SHLD1: variants seen among roughly 807,000 people sequenced by gnomAD.
SHLD1 encodes the protein RINN1-REV7-interacting novel NHEJ regulator 3.
In SHLD1, 3 loss-of-function variants were observed where a neutral mutation model predicts 5.5. The observed-to-expected ratio is 0.54, with a 90% CI of 0.25 to 1.40. The LOEUF (loss-of-function observed/expected upper bound fraction) is 1.40. Ranked by LOEUF, SHLD1 falls within the 40% of genes most tolerant of loss-of-function variation. The pLI is 0.15. For missense variants in SHLD1, 210 were observed against 244.4 expected (o/e 0.86, Z 0.94); for synonymous variants, 92 against 94.3 (o/e 0.98, Z 0.14).
rs73596841 is a variant in SHLD1 at position 5,826,185 on chromosome 20, G to A, written c.179-36839G>A. ...TGTTGGTCTGATCAAGCTGTTTATT[G>A]TTTGCAGATGGTAACAAAATATAAT... On this transcript the variant is annotated intron_variant, in intron 2 of 2. Coordinates refer to ENST00000303142, the MANE Select transcript of SHLD1 (RefSeq NM_152504.4). 6.7e-3 allele frequency among the ~76,000 whole-genome samples: 1,023 copies of A among 152,300 alleles called. 7 individuals are homozygous for A. The highest frequency in any genetic ancestry group is 0.024 in the African/African-American group (991 of 41,552).
chr20:5,788,855 G>C (rs1477991402), intron 2 of SHLD1, among the ~76,000 whole-genome samples: 1 of 151,962 alleles, frequency 6.6e-6, no homozygotes, highest in Non-Finnish European at 1.5e-5. Flanking sequence ...TTTTTTGCTG[G>C]GCTCAGTGGC....
rs1983662940 is a variant in SHLD1, at chr20:5,750,469, T to G, written c.-15T>G. On this transcript the variant is annotated 5_prime_UTR_variant, in exon 1 of 3. Transcript: ENST00000303142. ...TTTCTCCTCAGTTTTCTGGAGTGCT[T>G]TGGAGGAGAGGTAAGCGCGGGATGG... The G allele has an allele frequency of 3.3e-5, 3 of 92,274 alleles. 1 individual carries two copies. The allele number at this position is 92,274 out of a possible 1,614,324, so 5.7% of individuals were successfully genotyped here. A position where few individuals can be genotyped will look rare whatever the true frequency, so the allele number is the denominator to read the frequency against.
At chr20:5,751,487 A>G (rs200063283) in intron 1 of SHLD1, among the ~76,000 whole-genome samples, 33 of 152,136 alleles carry the variant, frequency 2.2e-4, no homozygotes, top group Middle Eastern at 3.4e-3. Context: ...TTGTATTTTT[A>G]GTAGAGACGA....
chr20:5,809,048 G>A (rs547860075), intron 2 of SHLD1, among the ~76,000 whole-genome samples: 1 of 152,240 alleles, frequency 6.6e-6, no homozygotes, highest in Non-Finnish European at 1.5e-5. Context: ...CATACCTCAT[G>A]AGAATGTACT....
chr20:5,771,465 G>A (rs1192986508), intron 1 of SHLD1, among the ~76,000 whole-genome samples: 1 of 152,174 alleles, frequency 6.6e-6, no homozygotes, highest in Admixed American at 6.5e-5. Flanking sequence ...ACTTGTTTCA[G>A]GGGATCCTTG....
chr20:5,789,846 A>G (rs1269106860), intron 2 of SHLD1, among the ~76,000 whole-genome samples: 1 of 152,128 alleles, frequency 6.6e-6, no homozygotes, highest in East Asian at 1.9e-4. Context: ...GACCCAGTGC[A>G]TCCTAACCTG....
intron 2 of SHLD1, among the ~76,000 whole-genome samples, chr20:5,831,821 A>G (rs2087731770): frequency 6.6e-6 from 1 of 152,212 alleles, no homozygotes; most frequent in East Asian, 1.9e-4. Flanking sequence ...AAAGAAGAAA[A>G]AGGTAAACAC....
chr20:5,756,317 T>G (rs1156531833), intron 1 of SHLD1, among the ~76,000 whole-genome samples: 1 of 152,180 alleles, frequency 6.6e-6, no homozygotes, highest in Admixed American at 6.6e-5. Flanking sequence ...AGCATTATAT[T>G]GATCTTTAGT....
chr20:5,837,343 G>A (rs1381787941), intron 2 of SHLD1, among the ~76,000 whole-genome samples: 2 of 152,160 alleles, frequency 1.3e-5, no homozygotes, highest in African/African-American at 2.4e-5. Flanking sequence ...TGTGCAGGAT[G>A]TGCAAGTTTG....
chr20:5,844,768 G>GAC (rs1436232621), intron 2 of SHLD1, among the ~76,000 whole-genome samples: 2 of 108,912 alleles, frequency 1.8e-5, no homozygotes, highest in African/African-American at 7.3e-5. Flanking sequence ...CTGTGTAGTA[G>GAC]ACATATATAT....
intron 2 of SHLD1, among the ~76,000 whole-genome samples, chr20:5,800,845 G>T (rs426189): frequency 2.7e-5 from 1 of 37,326 alleles, no homozygotes; most frequent in African/African-American, 8.4e-5. Flanking sequence ...CTATACCTGT[G>T]TGTGTGTGTG....
chr20:5,860,832 G>A (rs1485330148), intron 2 of SHLD1, among the ~76,000 whole-genome samples: 1 of 128,694 alleles, frequency 7.8e-6, no homozygotes. Flanking sequence ...TTGGGTAAAA[G>A]CTCTGGGCAT....
chr20:5,806,915 C>T lies in SHLD1; in HGVS notation c.178+33872C>T, dbSNP rs182913077. Among the ~76,000 whole-genome samples, 32 of 152,332 alleles carry T rather than the reference C, an allele frequency of 2.1e-4. No individual in the cohort carries two copies. The highest frequency in any genetic ancestry group is 1.7e-3 in the Admixed American group (26 of 15,302). ...TCCACTGAAGGACTTGATTTTAGCA[C>T]CGAAGAGTGAGTGAGTGGTCGTGTA... is the stretch of plus-strand genomic sequence containing the variant. On this transcript the variant is annotated intron_variant, in intron 2 of 2. Coordinates refer to ENST00000303142, the MANE Select transcript of SHLD1 (RefSeq NM_152504.4). This position sits in a 1 kb window ranked among gnomAD's most constrained non-coding sequence, Gnocchi z 7.6.
At chr20:5,828,828 A>G (rs1312179087) in intron 2 of SHLD1, among the ~76,000 whole-genome samples, 2 of 152,190 alleles carry the variant, frequency 1.3e-5, no homozygotes, top group South Asian at 2.1e-4. Context: ...ATGTCATTTT[A>G]TATCATTTCA....
At chr20:5,837,923 A>G (rs1196695282) in intron 2 of SHLD1, among the ~76,000 whole-genome samples, 1 of 152,250 alleles carries the variant, frequency 6.6e-6, no homozygotes, top group African/African-American at 2.4e-5. Context: ...GTGGACCTGC[A>G]CAGTTCAAAC....
chr20:5,778,659 T>G (rs1985553997), intron 2 of SHLD1, among the ~76,000 whole-genome samples: 1 of 149,256 alleles, frequency 6.7e-6, no homozygotes. Flanking sequence ...AAGAACTAAG[T>G]GAGAATGGTA....
intron 2 of SHLD1, among the ~76,000 whole-genome samples, chr20:5,773,926 G>A (rs189751273): frequency 3.9e-5 from 6 of 152,076 alleles, no homozygotes; most frequent in African/African-American, 9.7e-5. Flanking sequence ...CCAAATGGCC[G>A]GGTGTGGTAG....
At chr20:5,752,615 GTTTT>G (rs776510495) in intron 1 of SHLD1, among the ~76,000 whole-genome samples, 1 of 120,634 alleles carries the variant, frequency 8.3e-6, no homozygotes, top group Admixed American at 8.4e-5. Context: ...ATATTTTGGG[GTTTT>G]TTTTTTTTTT....
chr20:5,772,194 T>C, intron 1 of SHLD1: 1 of 454,434 alleles, frequency 2.2e-6, no homozygotes, highest in Non-Finnish European at 4.4e-6. Flanking sequence ...CCTTTTTGCC[T>C]AAAGAAAGTA....
Sources: gnomAD v4.1 joint callset for allele counts (sites outside exome capture counted in the v4.1 genomes callset) on GRCh38, gnomAD v4.1.1 for gene constraint, Gnocchi (gnomAD v3.1) non-coding constraint, MANE v1.5 for transcripts, NCBI Gene and HGNC (gene_info 2026-07-23, HGNC 2026-07-21) for gene names.